The following CACNA2D1 variants were observed in gnomAD, a reference collection of about 807,000 sequenced individuals.
CACNA2D1 encodes the protein voltage-dependent calcium channel subunit alpha-2/delta-1.
Under a neutral mutation model 171.5 loss-of-function variants are expected in CACNA2D1, and 53 were observed. The ratio of observed to expected loss-of-function variants is 0.31; its 90% CI spans 0.25 to 0.39. The LOEUF (loss-of-function observed/expected upper bound fraction) is 0.39, where lower values mean the gene tolerates loss of function less well. CACNA2D1 is among the 10% of genes least tolerant of loss of function. CACNA2D1 has a pLI of 1.00. For missense variants in CACNA2D1, 903 were observed against 1,299.8 expected, an observed-to-expected ratio of 0.69 and a Z score of 4.69; for synonymous variants, 442 against 443.1, an observed-to-expected ratio of 1.00 and a Z score of 0.03.
chr7:82,128,601 C>G (rs3757636), intron 5 of CACNA2D1, among the ~76,000 whole-genome samples: 25,999 of 152,012 alleles, frequency 0.17, 2,571 homozygotes, highest in East Asian at 0.34. Context: ...TTATAATGAA[C>G]AAAATCAATA....
chr7:82,090,484 T>C (rs1267901746), intron 6 of CACNA2D1, among the ~76,000 whole-genome samples: 1 of 152,110 alleles, frequency 6.6e-6, no homozygotes, highest in Non-Finnish European at 1.5e-5. Context: ...TAATTTATAA[T>C]ACTATTCTAT....
intron 10 of CACNA2D1, 55 bp downstream of exon 10, chr7:82,060,373 G>T: frequency 8.8e-7 from 1 of 1,136,270 alleles, no homozygotes; most frequent in Non-Finnish European, 1.3e-6. Context: ...CTAAAGTCAG[G>T]AGAAGATAGA....
chr7:82,139,709 T>C lies in CACNA2D1; in HGVS notation c.355-3033A>G, dbSNP rs560958145. ...TGAAGAAACAAATATATATTAGTTATAAAATTATATTGCAGGTCAAACATC... is the reference window on the plus strand; with the variant it reads ...TGAAGAAACAAATATATATTAGTTACAAAATTATATTGCAGGTCAAACATC... On this transcript the variant is annotated intron_variant, in intron 4 of 38. Transcript: ENST00000356860. Among the ~76,000 whole-genome samples, 34 of 151,730 alleles carry C rather than the reference T, an allele frequency of 2.2e-4. No homozygotes were observed. In the South Asian group the frequency reaches 7.1e-3, roughly 32 times the overall value.
chr7:81,953,984 G>A (rs1373459566), intron 38 of CACNA2D1, among the ~76,000 whole-genome samples: 2 of 152,030 alleles, frequency 1.3e-5, no homozygotes, highest in African/African-American at 4.8e-5. Flanking sequence ...GCTCCCTGTG[G>A]TGTGCATGTC....
intron 3 of CACNA2D1, among the ~76,000 whole-genome samples, chr7:82,228,135 T>G (rs925754255): frequency 6.6e-6 from 1 of 152,156 alleles, no homozygotes; most frequent in Non-Finnish European, 1.5e-5. Context: ...AAGGAGATTA[T>G]CTCAGGTGGA....
intron 3 of CACNA2D1, among the ~76,000 whole-genome samples, chr7:82,317,631 CAG>C (rs1158689481): frequency 6.6e-6 from 1 of 152,082 alleles, no homozygotes; most frequent in African/African-American, 2.4e-5. Context: ...CCAACAGTGA[CAG>C]GGCAATTGGT....
At chr7:82,228,308 C>T (rs2887117) in intron 3 of CACNA2D1, among the ~76,000 whole-genome samples, 1 of 151,870 alleles carries the variant, frequency 6.6e-6, no homozygotes, top group African/African-American at 2.4e-5. Flanking sequence ...AAGAGGATCC[C>T]AAACCTCAAA....
At chr7:82,373,844 T>G (rs149579040) in intron 1 of CACNA2D1, among the ~76,000 whole-genome samples, 68 of 152,354 alleles carry the variant, frequency 4.5e-4, no homozygotes, top group Non-Finnish European at 8.1e-4. Context: ...AGTGTGATCA[T>G]ACATTTTAAA....
At chr7:82,119,133 C>T (rs557799144) in intron 5 of CACNA2D1, among the ~76,000 whole-genome samples, 30 of 152,024 alleles carry the variant, frequency 2.0e-4, no homozygotes, top group Non-Finnish European at 4.1e-4. Flanking sequence ...ATAAATTCTC[C>T]CTCTGAAACA....
At chr7:82,137,888 A>G (rs1791859484) in intron 4 of CACNA2D1, among the ~76,000 whole-genome samples, 1 of 151,958 alleles carries the variant, frequency 6.6e-6, no homozygotes, top group Admixed American at 6.6e-5. Context: ...AAGCAAACAT[A>G]TAATACACAA....
chr7:82,193,266 A>G (rs950013145), intron 3 of CACNA2D1, among the ~76,000 whole-genome samples: 1 of 152,014 alleles, frequency 6.6e-6, no homozygotes, highest in Non-Finnish European at 1.5e-5. Flanking sequence ...ACTTTGAACA[A>G]TGCACATTTA....
chr7:82,130,100 G>A (rs1199210201), intron 5 of CACNA2D1, among the ~76,000 whole-genome samples: 2 of 152,172 alleles, frequency 1.3e-5, no homozygotes, highest in Non-Finnish European at 2.9e-5. Flanking sequence ...TCCTTTTACA[G>A]TTGTGTGAAA....
intron 1 of CACNA2D1, among the ~76,000 whole-genome samples, chr7:82,384,585 A>T (rs1379921310): frequency 2.0e-5 from 3 of 150,342 alleles, no homozygotes; most frequent in Non-Finnish European, 4.4e-5. Flanking sequence ...AAAAAAAATC[A>T]CTGGTAAAGG....
In CACNA2D1 at chr7:82,318,255, A is replaced by C. The variant is rs566322252; in HGVS notation, c.294+16880T>G. 1.2e-4 allele frequency among the ~76,000 whole-genome samples: 19 copies of C among 152,250 alleles called. No individual in the cohort carries two copies. The South Asian group carries it at 3.9e-3, about 32-fold the overall frequency. On this transcript the variant is annotated intron_variant, in intron 3 of 38. Transcript: ENST00000356860. Reference sequence around the variant, plus strand: ...TTAAAAAAGTGAATGTCTGCATGGTATCTAAGCTCAAGTTCAGAAATAAAA... The same window carrying C: ...TTAAAAAAGTGAATGTCTGCATGGTCTCTAAGCTCAAGTTCAGAAATAAAA...
rs1399162976 is a variant in CACNA2D1, at chr7:81,947,274, TTAA to T, written c.*3115_*3117del. 1.3e-5 allele frequency: 2 copies of T among 151,574 alleles called. No individual in the cohort carries two copies. Among genetic ancestry groups the T allele is most frequent in the African/African-American group, 4.8e-5 (2 of 41,368 alleles). The allele number at this position is 151,574 out of a possible 1,614,324, so 9.4% of individuals were successfully genotyped here. ...GAACCCGATAAGTCCAGTTTTAAAG[TTAA>T]TAAAAGGAATATTATAGGAAAACTT... is the stretch of plus-strand genomic sequence containing the variant. On this transcript the variant is annotated 3_prime_UTR_variant, in exon 39 of 39. Transcript: ENST00000356860.
chr7:82,328,577 C>T (rs1372661129), intron 3 of CACNA2D1, among the ~76,000 whole-genome samples: 2 of 152,108 alleles, frequency 1.3e-5, no homozygotes, highest in South Asian at 2.1e-4. Context: ...ATTGCATGAC[C>T]TCGATCTTCT....
rs932080938 is a variant in CACNA2D1, at chr7:82,099,422, C to CTTTT, written c.527-14526_527-14523dup. On this transcript the variant is annotated intron_variant, in intron 6 of 38. Transcript: ENST00000356860. ...ACTCTAAAACAGGTAGCAATACCTT[C>CTTTT]TTTTTTTTTTTTTTTTTTTTTTTTT... is the stretch of plus-strand genomic sequence containing the variant. Among the ~76,000 whole-genome samples the CTTTT allele has an allele frequency of 5.5e-4, 22 of 40,262 alleles. 1 individual carries two copies. The highest frequency in any genetic ancestry group is 7.4e-4 in the Non-Finnish European group (15 of 20,254). The allele number at this position is 40,262 out of a possible 152,430, so 26.4% of individuals were successfully genotyped here.
intron 3 of CACNA2D1, among the ~76,000 whole-genome samples, chr7:82,216,303 A>T (rs1314637506): frequency 6.6e-6 from 1 of 152,202 alleles, no homozygotes; most frequent in East Asian, 1.9e-4. Flanking sequence ...ACCAAAACAA[A>T]GATTAGCAAA....
chr7:82,416,502 A>T (rs150426647), intron 1 of CACNA2D1, among the ~76,000 whole-genome samples: 23 of 152,236 alleles, frequency 1.5e-4, no homozygotes, highest in African/African-American at 5.5e-4. Context: ...CGGCAGGGTC[A>T]TACTCCCTCT....
Sources: allele counts gnomAD v4.1 joint callset (sites outside exome capture counted in the v4.1 genomes callset), GRCh38; gene constraint gnomAD v4.1.1; transcripts MANE v1.5; gene names NCBI Gene and HGNC (gene_info 2026-07-23, HGNC 2026-07-21).